NR2F1-AS1: variants seen among roughly 807,000 people sequenced by gnomAD.
NR2F1-AS1 encodes the protein NR2F1 antisense RNA 1.
At chr5:93,533,740 G>A (rs1751779617) in intron 4 of NR2F1-AS1, among the ~76,000 whole-genome samples, 1 of 152,138 alleles carries the variant, frequency 6.6e-6, no homozygotes, top group Non-Finnish European at 1.5e-5. Flanking sequence ...TTACAGAAGA[G>A]GAAGGTAAGG....
chr5:93,525,837 T>C (rs1163933038), intron 4 of NR2F1-AS1, among the ~76,000 whole-genome samples: 1 of 152,066 alleles, frequency 6.6e-6, no homozygotes, highest in Non-Finnish European at 1.5e-5. Context: ...TACCAAAGAC[T>C]CTGGGACACA....
intron 4 of NR2F1-AS1, among the ~76,000 whole-genome samples, chr5:93,460,389 C>A (rs947531997): frequency 3.9e-5 from 6 of 152,118 alleles, no homozygotes; most frequent in African/African-American, 1.4e-4. Flanking sequence ...TTAGAGTAGT[C>A]TGAGGACCAC....
intron 4 of NR2F1-AS1, among the ~76,000 whole-genome samples, chr5:93,511,858 G>C (rs1751301728): frequency 6.6e-6 from 1 of 152,132 alleles, no homozygotes; most frequent in South Asian, 2.1e-4. Flanking sequence ...GATTATCTGA[G>C]GTGGAACAGT....
chr5:93,421,752 G>A (rs1749093578), intron 4 of NR2F1-AS1, among the ~76,000 whole-genome samples: 1 of 152,196 alleles, frequency 6.6e-6, no homozygotes, highest in South Asian at 2.1e-4. Flanking sequence ...CATCTTGGCT[G>A]CCGACACTGG....
chr5:93,536,825 C>T (rs1751849778), intron 4 of NR2F1-AS1, among the ~76,000 whole-genome samples: 1 of 152,122 alleles, frequency 6.6e-6, no homozygotes. Context: ...CCCATAATTC[C>T]CACGTGTTGT....
chr5:93,511,874 C>T (rs1751302025), intron 4 of NR2F1-AS1, among the ~76,000 whole-genome samples: 1 of 152,164 alleles, frequency 6.6e-6, no homozygotes, highest in African/African-American at 2.4e-5. Flanking sequence ...ACAGTTTCAT[C>T]TCAAAACCAT....
intron 4 of NR2F1-AS1, among the ~76,000 whole-genome samples, chr5:93,445,358 AG>A (rs1270112518): frequency 6.6e-6 from 1 of 152,148 alleles, no homozygotes; most frequent in Non-Finnish European, 1.5e-5. Flanking sequence ...AAAATTATAA[AG>A]GGGGTATCAC....
At chr5:93,411,720 C>T (rs1748860748) in intron 4 of NR2F1-AS1, among the ~76,000 whole-genome samples, 2 of 149,268 alleles carry the variant, frequency 1.3e-5, no homozygotes, top group African/African-American at 4.8e-5. Context: ...GGCACAGATC[C>T]AAGCCTAAGG....
At chr5:93,482,227 T>C (rs1298016248) in intron 4 of NR2F1-AS1, among the ~76,000 whole-genome samples, 1 of 151,872 alleles carries the variant, frequency 6.6e-6, no homozygotes, top group African/African-American at 2.4e-5. Context: ...GGCAGGTGAT[T>C]TATGCATTTT....
At chr5:93,549,674 G>A (rs1200995484) in intron 4 of NR2F1-AS1, among the ~76,000 whole-genome samples, 1 of 152,070 alleles carries the variant, frequency 6.6e-6, no homozygotes, top group African/African-American at 2.4e-5. Context: ...ACTGAATTTT[G>A]TGCAGGATTC....
chr5:93,530,678 T>C (rs1223157995), intron 4 of NR2F1-AS1, among the ~76,000 whole-genome samples: 1 of 152,226 alleles, frequency 6.6e-6, no homozygotes, highest in Non-Finnish European at 1.5e-5. Flanking sequence ...ATTTGCTTTT[T>C]AACATTTCAT....
At chr5:93,412,535 TTACTC>T (rs1412181299) in intron 4 of NR2F1-AS1, among the ~76,000 whole-genome samples, 5 of 152,342 alleles carry the variant, frequency 3.3e-5, no homozygotes, top group African/African-American at 4.8e-5. Flanking sequence ...TGCACTGACT[TTACTC>T]TACATTGCTT....
intron 4 of NR2F1-AS1, among the ~76,000 whole-genome samples, chr5:93,482,796 G>A (rs1051258434): frequency 6.6e-6 from 1 of 152,208 alleles, no homozygotes; most frequent in African/African-American, 2.4e-5. Flanking sequence ...TGAGGCTTGA[G>A]TAGGCTCTTT....
chr5:93,447,917 GA>G (rs1749750412), intron 4 of NR2F1-AS1, among the ~76,000 whole-genome samples: 1 of 152,154 alleles, frequency 6.6e-6, no homozygotes, highest in Non-Finnish European at 1.5e-5. Context: ...GATGAAGCTG[GA>G]AACCATCATT....
intron 4 of NR2F1-AS1, chr5:93,410,577 T>C (rs1404588941): frequency 6.6e-6 from 1 of 152,166 alleles, no homozygotes; most frequent in East Asian, 1.9e-4. Context: ...TATGAGAGCC[T>C]AACTAATGCC....
intron 4 of NR2F1-AS1, among the ~76,000 whole-genome samples, chr5:93,491,769 T>A (rs968898040): frequency 6.6e-6 from 1 of 152,194 alleles, no homozygotes; most frequent in Non-Finnish European, 1.5e-5. Context: ...TCAAACTCCA[T>A]GACTTATACT....
intron 4 of NR2F1-AS1, among the ~76,000 whole-genome samples, chr5:93,413,272 G>C (rs536575905): frequency 5.9e-4 from 89 of 150,846 alleles, no homozygotes; most frequent in Non-Finnish European, 1.0e-3. Flanking sequence ...AAAAGGAGAG[G>C]AAAGTTCCAT....
At chr5:93,552,262 A>G (rs367688003) in intron 4 of NR2F1-AS1, among the ~76,000 whole-genome samples, 42 of 152,212 alleles carry the variant, frequency 2.8e-4, no homozygotes, top group South Asian at 1.0e-3. Flanking sequence ...AGAGGACTTC[A>G]AAGTGTTCAC....
chr5:93,567,454 C>T (rs1752644612), intron 1 of NR2F1-AS1, among the ~76,000 whole-genome samples: 1 of 152,192 alleles, frequency 6.6e-6, no homozygotes, highest in South Asian at 2.1e-4. Flanking sequence ...CTCTTAGTTT[C>T]CTGATTTTAT....
Sources: allele counts gnomAD v4.1 joint callset (sites outside exome capture counted in the v4.1 genomes callset), GRCh38; gene constraint gnomAD v4.1.1; transcripts MANE v1.5; gene names NCBI Gene and HGNC (gene_info 2026-07-23, HGNC 2026-07-21).